The following RGS17 variants were observed in gnomAD, a reference collection of about 807,000 sequenced individuals.
RGS17 encodes the protein regulator of G protein signaling 17.
RGS17 carries 12 observed loss-of-function variants against 25.5 expected under a neutral mutation model. The ratio of observed to expected loss-of-function variants is 0.47; its 90% confidence interval spans 0.30 to 0.76. RGS17 has a LOEUF of 0.76. RGS17 is among the 30% of genes least tolerant of loss of function. The pLI is 0.07. For synonymous variants in RGS17, 71 were observed against 76.9 expected (o/e 0.92, Z 0.40); for missense variants, 196 against 242.2 (o/e 0.81, Z 1.27).
At chr6:153,102,333 A>G (rs1232220773) in intron 1 of RGS17, among the ~76,000 whole-genome samples, 1 of 152,264 alleles carries the variant, frequency 6.6e-6, no homozygotes, top group Non-Finnish European at 1.5e-5. Flanking sequence ...ATGTAAGTGA[A>G]CCTGTGTGAA....
chr6:153,015,666 G>GT lies in RGS17; in HGVS notation c.445-3905dup, dbSNP rs1162756201. ...CTACAGTATAGTATATCTTTTTTTT[G>GT]TTTTTTTTTTTTAGTCTCGCTCTGT... is the stretch of plus-strand genomic sequence containing the variant. On this transcript the variant is annotated intron_variant, in intron 4 of 4. Transcript: ENST00000206262. Among the ~76,000 whole-genome samples, 465 of 142,386 alleles carry GT rather than the reference G, an allele frequency of 3.3e-3. 1 individual carries two copies. Among genetic ancestry groups the GT allele is most frequent in the East Asian group, 0.014 (69 of 4,916 alleles). The allele number at this position is 142,386 out of a possible 152,430, so 93.4% of individuals were successfully genotyped here. A position where few individuals can be genotyped will look rare whatever the true frequency, so the allele number is the denominator to read the frequency against.
intron 1 of RGS17, among the ~76,000 whole-genome samples, chr6:153,098,956 T>C (rs1182330150): frequency 2.0e-5 from 3 of 152,198 alleles, no homozygotes; most frequent in African/African-American, 7.2e-5. Flanking sequence ...GGGGTCAATG[T>C]TAAGTGATCA....
chr6:153,125,424 G>A (rs1296566020), intron 1 of RGS17, among the ~76,000 whole-genome samples: 4 of 152,120 alleles, frequency 2.6e-5, no homozygotes, highest in African/African-American at 7.2e-5. Context: ...AAATAGTAGA[G>A]TAAAAATTCA....
chr6:153,097,303 T>G (rs1285055645), intron 1 of RGS17, among the ~76,000 whole-genome samples: 5 of 142,312 alleles, frequency 3.5e-5, no homozygotes, highest in African/African-American at 1.3e-4. Flanking sequence ...TTTTTTTTTT[T>G]TTTTTTTTTT....
intron 1 of RGS17, among the ~76,000 whole-genome samples, chr6:153,112,826 C>T (rs1483432471): frequency 6.6e-6 from 1 of 152,124 alleles, no homozygotes; most frequent in Non-Finnish European, 1.5e-5. Flanking sequence ...CAAAACTAAG[C>T]TTCATAAGCA....
chr6:153,123,010 C>T (rs1051418933), intron 1 of RGS17, among the ~76,000 whole-genome samples: 1 of 112,542 alleles, frequency 8.9e-6, no homozygotes, highest in Admixed American at 8.3e-5. Flanking sequence ...CATCAGAGTA[C>T]ATTGGAGTAT....
intron 1 of RGS17, among the ~76,000 whole-genome samples, chr6:153,128,997 T>G (rs1318753945): frequency 6.6e-6 from 1 of 152,248 alleles, no homozygotes; most frequent in Admixed American, 6.5e-5. Flanking sequence ...TTATTTGTTC[T>G]GTAAATTCGA....
At chr6:153,111,196 G>T (rs1417779045) in intron 1 of RGS17, among the ~76,000 whole-genome samples, 1 of 152,222 alleles carries the variant, frequency 6.6e-6, no homozygotes, top group Non-Finnish European at 1.5e-5. Flanking sequence ...CCACTGGCTT[G>T]AAATTCTTGC....
intron 1 of RGS17, among the ~76,000 whole-genome samples, chr6:153,082,438 A>C (rs934210508): frequency 2.6e-5 from 4 of 152,094 alleles, no homozygotes; most frequent in Admixed American, 2.0e-4. Flanking sequence ...TCTATCACTA[A>C]ATCTTCAATT....
chr6:153,024,715 A>G (rs886510220), intron 3 of RGS17, among the ~76,000 whole-genome samples: 10 of 152,218 alleles, frequency 6.6e-5, no homozygotes, highest in African/African-American at 2.2e-4. Context: ...CATAAGAGAC[A>G]TGTAGGGAGA....
intron 1 of RGS17, among the ~76,000 whole-genome samples, chr6:153,099,888 A>G (rs892164403): frequency 3.9e-5 from 6 of 152,198 alleles, no homozygotes; most frequent in Admixed American, 1.3e-4. Context: ...AATGTCACAT[A>G]GCGACTCTAC....
chr6:153,089,710 T>G (rs533465729), intron 1 of RGS17, among the ~76,000 whole-genome samples: 1 of 152,260 alleles, frequency 6.6e-6, no homozygotes, highest in Non-Finnish European at 1.5e-5. Context: ...AGCTGTTAAA[T>G]AAATAAATCT....
At chr6:153,066,524 C>CAGACAA (rs969275671) in intron 1 of RGS17, among the ~76,000 whole-genome samples, 10 of 151,966 alleles carry the variant, frequency 6.6e-5, no homozygotes, top group African/African-American at 2.4e-4. Context: ...ATACCAAAAC[C>CAGACAA]AGACAAAGAC....
intron 1 of RGS17, among the ~76,000 whole-genome samples, chr6:153,116,497 T>C (rs957183586): frequency 3.9e-5 from 6 of 152,186 alleles, no homozygotes; most frequent in Non-Finnish European, 5.9e-5. Flanking sequence ...AGTTCAACCA[T>C]TGTGGAAGAC....
intron 4 of RGS17, among the ~76,000 whole-genome samples, chr6:153,012,933 C>T (rs1195293235): frequency 6.6e-6 from 1 of 152,120 alleles, no homozygotes; most frequent in Non-Finnish European, 1.5e-5. Flanking sequence ...CAACAGACCA[C>T]GTGGATTTGG....
intron 2 of RGS17, among the ~76,000 whole-genome samples, chr6:153,032,686 G>A (rs1374035247): frequency 2.6e-5 from 4 of 151,946 alleles, no homozygotes; most frequent in African/African-American, 7.3e-5. Context: ...AATCAAACTC[G>A]AAGAGGATAA....
intron 1 of RGS17, among the ~76,000 whole-genome samples, chr6:153,064,503 G>A (rs1482747456): frequency 3.3e-5 from 5 of 151,916 alleles, no homozygotes; most frequent in African/African-American, 9.7e-5. Context: ...GGTGGCGGAC[G>A]CCTGTAGTCC....
chr6:153,015,090 G>A (rs1477492635), intron 4 of RGS17, among the ~76,000 whole-genome samples: 4 of 152,222 alleles, frequency 2.6e-5, no homozygotes, highest in Non-Finnish European at 5.9e-5. Flanking sequence ...TGGAGCCTGA[G>A]GATAGGACTG....
rs956818738 is a variant in RGS17 at position 153,105,536 on chromosome 6, C to T, written c.-26+25588G>A. On this transcript the variant is annotated intron_variant, in intron 1 of 4. Coordinates refer to ENST00000206262, the MANE Select transcript of RGS17 (RefSeq NM_012419.5). ...CATGAAGGTCTATACCAAGTGTTCG[C>T]TGCTGGAGAGGCAAGCTCAGAATTA... is the stretch of plus-strand genomic sequence containing the variant. 3.9e-5 allele frequency among the ~76,000 whole-genome samples: 6 copies of T among 152,132 alleles called. No individual in the cohort carries two copies. The East Asian group carries it at 1.2e-3, about 29-fold the overall frequency.
Sources: allele counts gnomAD v4.1 joint callset (sites outside exome capture counted in the v4.1 genomes callset), GRCh38; gene constraint gnomAD v4.1.1; transcripts MANE v1.5; gene names NCBI Gene and HGNC (gene_info 2026-07-23, HGNC 2026-07-21).